Variants in SUPT3H observed in about 807,000 individuals in gnomAD.
SUPT3H encodes transcription initiation protein SPT3 homolog.
Under a neutral mutation model 44.3 loss-of-function variants are expected in SUPT3H, and 44 were observed. That is an observed-to-expected ratio of 0.99 (90% confidence interval 0.78 to 1.28). SUPT3H has a LOEUF of 1.28. Among genes scored for constraint, SUPT3H ranks in the 50% most tolerant of loss-of-function variants. The pLI is 0.00. For missense variants in SUPT3H, 380 were observed against 387.1 expected (o/e 0.98, Z 0.15); for synonymous variants, 124 against 125.6 (o/e 0.99, Z 0.09).
At chr6:45,040,142 T>C (rs536484354) in intron 3 of SUPT3H, among the ~76,000 whole-genome samples, 9 of 152,292 alleles carry the variant, frequency 5.9e-5, no homozygotes, top group African/African-American at 2.2e-4. Context: ...GTTTCATCTA[T>C]TCAACCCCAA....
intron 2 of SUPT3H, among the ~76,000 whole-genome samples, chr6:45,147,655 T>A (rs1254314356): frequency 1.3e-5 from 2 of 151,864 alleles, no homozygotes; most frequent in Admixed American, 6.6e-5. Context: ...CAGTGCCTGG[T>A]GTCATAGGAA....
chr6:44,866,172 G>A (rs1775480762), intron 10 of SUPT3H, among the ~76,000 whole-genome samples: 1 of 151,242 alleles, frequency 6.6e-6, no homozygotes, highest in Non-Finnish European at 1.5e-5. Context: ...GGCAAACTGG[G>A]GGCTTGAAAA....
At chr6:45,011,223 T>A (rs1783435765) in intron 5 of SUPT3H, among the ~76,000 whole-genome samples, 1 of 152,148 alleles carries the variant, frequency 6.6e-6, no homozygotes, top group African/African-American at 2.4e-5. Context: ...CAATCTATAT[T>A]ACCTTTATAG....
intron 3 of SUPT3H, among the ~76,000 whole-genome samples, chr6:45,104,968 G>GA (rs1014023239): frequency 1.2e-4 from 18 of 151,594 alleles, no homozygotes; most frequent in African/African-American, 4.1e-4. Flanking sequence ...GGAACATACT[G>GA]AAAAAACAAG....
chr6:44,979,954 T>C (rs1291699615), intron 6 of SUPT3H, among the ~76,000 whole-genome samples: 1 of 152,202 alleles, frequency 6.6e-6, no homozygotes, highest in East Asian at 1.9e-4. Flanking sequence ...TTCTTATCAA[T>C]CCAGGGGGCT....
At chr6:45,257,029 A>C (rs1773525627) in intron 2 of SUPT3H, among the ~76,000 whole-genome samples, 1 of 152,228 alleles carries the variant, frequency 6.6e-6, no homozygotes, top group Non-Finnish European at 1.5e-5. Flanking sequence ...TTCCCAAAGC[A>C]GCTGTACCAT....
intron 2 of SUPT3H, among the ~76,000 whole-genome samples, chr6:45,239,625 T>C (rs1769908258): frequency 6.6e-6 from 1 of 152,250 alleles, no homozygotes; most frequent in Admixed American, 6.5e-5. Context: ...TTGGGCTACA[T>C]GCCAATCAGG....
At chr6:45,261,198 G>A (rs1157623987) in intron 2 of SUPT3H, among the ~76,000 whole-genome samples, 1 of 151,830 alleles carries the variant, frequency 6.6e-6, no homozygotes, top group Admixed American at 6.6e-5. Context: ...AAATCAAGTG[G>A]GAACTCCTCC....
intron 10 of SUPT3H, among the ~76,000 whole-genome samples, chr6:44,927,459 T>C (rs545713511): frequency 1.2e-4 from 19 of 152,330 alleles, no homozygotes; most frequent in African/African-American, 4.3e-4. Flanking sequence ...AACTTTGATA[T>C]ATTCATCAAT....
intron 2 of SUPT3H, among the ~76,000 whole-genome samples, chr6:45,274,748 G>T (rs1201582236): frequency 2.6e-5 from 4 of 152,106 alleles, no homozygotes; most frequent in Non-Finnish European, 4.4e-5. Flanking sequence ...GCCAGGTGTG[G>T]TGTTGTATGC....
chr6:45,074,088 G>C (rs1158338611), intron 3 of SUPT3H, among the ~76,000 whole-genome samples: 3 of 151,950 alleles, frequency 2.0e-5, no homozygotes, highest in Admixed American at 6.6e-5. Context: ...TGTAATTTTA[G>C]TCACACAGTC....
intron 1 of SUPT3H, among the ~76,000 whole-genome samples, chr6:45,375,691 G>A (rs1796678697): frequency 6.6e-6 from 1 of 152,096 alleles, no homozygotes; most frequent in East Asian, 1.9e-4. Context: ...TTACAAGCAT[G>A]AGCCAACGTG....
chr6:44,897,454 G>A (rs996068941), intron 10 of SUPT3H, among the ~76,000 whole-genome samples: 22 of 152,140 alleles, frequency 1.4e-4, no homozygotes, highest in Non-Finnish European at 2.9e-5. Context: ...CTTTTGAAAT[G>A]ACCAGTTACT....
In SUPT3H at chr6:45,098,393, T is replaced by C. The variant is rs141753783; in HGVS notation, c.186+7529A>G. On this transcript the variant is annotated intron_variant, in intron 3 of 10. Transcript: ENST00000371459. The stretch of plus-strand genomic sequence containing the variant: ...GCATGTAGAATATGAGAGACAGGGA[T>C]TTCTAGCTCTGATGGAACGTGGCCA... 73 of 160,268 alleles carry C rather than the reference T, an allele frequency of 4.6e-4. 1 individual carries two copies. The East Asian group carries it at 0.013, about 29-fold the overall frequency. The allele number at this position is 160,268 out of a possible 1,614,324, so 9.9% of individuals were successfully genotyped here. A position where few individuals can be genotyped will look rare whatever the true frequency, so the allele number is the denominator to read the frequency against.
rs1237636160 is a variant in SUPT3H at position 45,212,479 on chromosome 6, CTATGTG to C, written c.102-106479_102-106474del. ...GTTCTGAAACTTCCCTCCACCTCCACTATGTGTGTGTGTGTGTGTGTGTGTGTGTGT... is the reference window on the plus strand; with the variant it reads ...GTTCTGAAACTTCCCTCCACCTCCACTGTGTGTGTGTGTGTGTGTGTGTGT... On this transcript the variant is annotated intron_variant, in intron 2 of 10. Coordinates refer to ENST00000371459, the MANE Select transcript of SUPT3H (RefSeq NM_003599.4). Among the ~76,000 whole-genome samples the C allele has an allele frequency of 1.1e-3, 148 of 139,956 alleles. 2 individuals are homozygous for C. The highest frequency in any genetic ancestry group is 2.8e-3 in the South Asian group (12 of 4,280). 91.8% of individuals were successfully genotyped at this position (139,956 alleles called of 152,430 possible). A position where few individuals can be genotyped will look rare whatever the true frequency, so the allele number is the denominator to read the frequency against.
chr6:44,982,145 C>T (rs1779178085), intron 6 of SUPT3H, among the ~76,000 whole-genome samples: 1 of 152,132 alleles, frequency 6.6e-6, no homozygotes, highest in South Asian at 2.1e-4. Context: ...TGGCCAAATC[C>T]ACACTGAGAA....
At chr6:45,275,658 A>T (rs1776896996) in intron 2 of SUPT3H, among the ~76,000 whole-genome samples, 1 of 152,294 alleles carries the variant, frequency 6.6e-6, no homozygotes, top group African/African-American at 2.4e-5. Context: ...TTTAGTTAAT[A>T]GTATGATAAA....
At chr6:45,111,377 T>C (rs1800032957) in intron 2 of SUPT3H, among the ~76,000 whole-genome samples, 1 of 152,026 alleles carries the variant, frequency 6.6e-6, no homozygotes, top group African/African-American at 2.4e-5. Flanking sequence ...TGTTAGAAAA[T>C]CTTTTTGCAT....
chr6:45,005,700 C>A (rs1406409174), intron 5 of SUPT3H, among the ~76,000 whole-genome samples: 173 of 130,840 alleles, frequency 1.3e-3, no homozygotes, highest in African/African-American at 1.6e-3. Flanking sequence ...AAACTCGTCT[C>A]AAAAAAAAAA....
Sources: gnomAD v4.1 joint callset for allele counts (sites outside exome capture counted in the v4.1 genomes callset) on GRCh38, gnomAD v4.1.1 for gene constraint, MANE v1.5 for transcripts, NCBI Gene and HGNC (gene_info 2026-07-23, HGNC 2026-07-21) for gene names.